Variants in NCKAP5 observed in about 807,000 individuals in gnomAD.
The protein encoded by NCKAP5 is nck-associated protein 5.
In NCKAP5, 92 loss-of-function variants were observed where a neutral mutation model predicts 167.0. The ratio of observed to expected loss-of-function variants is 0.55; its 90% CI spans 0.47 to 0.66. NCKAP5 has a LOEUF of 0.66. Among genes scored for constraint, NCKAP5 ranks in the 30% least tolerant of loss-of-function variants. The pLI is 0.00. For synonymous variants in NCKAP5, 891 were observed against 877.4 expected, an observed-to-expected ratio of 1.02 and a Z score of -0.27; for missense variants, 2,378 against 2,315.0, an observed-to-expected ratio of 1.03 and a Z score of -0.56.
chr2:133,231,994 C>G (rs977679794), intron 4 of NCKAP5, among the ~76,000 whole-genome samples: 1 of 152,202 alleles, frequency 6.6e-6, no homozygotes, highest in Non-Finnish European at 1.5e-5. Context: ...AAAGGACACA[C>G]TTTTTAAGTG....
intron 9 of NCKAP5, among the ~76,000 whole-genome samples, chr2:132,869,415 G>C (rs12466020): frequency 0.52 from 78,355 of 151,982 alleles, 20,590 homozygotes; most frequent in East Asian, 0.71. Flanking sequence ...TTGCAATAGA[G>C]ATAGGTTGAA....
chr2:133,531,628 A>G lies in NCKAP5; in HGVS notation c.-61-14041T>C, dbSNP rs190792573. Reference sequence around the variant, plus strand: ...GCATTGACCAGGGAAGCAAGTTTTTAGCAGAAACTTTTGCTCCTGACTTCA... The same window carrying G: ...GCATTGACCAGGGAAGCAAGTTTTTGGCAGAAACTTTTGCTCCTGACTTCA... On this transcript the variant is annotated intron_variant, in intron 2 of 19. Transcript: ENST00000409261. Among the ~76,000 whole-genome samples the G allele has an allele frequency of 6.6e-5, 10 of 152,292 alleles. No homozygotes were observed. In the East Asian group the frequency reaches 1.3e-3, roughly 21 times the overall value.
At chr2:133,441,052 G>T (rs1392809496) in intron 3 of NCKAP5, among the ~76,000 whole-genome samples, 1 of 150,776 alleles carries the variant, frequency 6.6e-6, no homozygotes, top group African/African-American at 2.4e-5. Flanking sequence ...GAAAACACAG[G>T]ATTATTCTGA....
chr2:132,737,244 G>C (rs1005339061), intron 16 of NCKAP5, among the ~76,000 whole-genome samples: 5 of 152,188 alleles, frequency 3.3e-5, no homozygotes, highest in African/African-American at 1.2e-4. Context: ...CAGAATGGTA[G>C]AGAATCTCAT....
intron 4 of NCKAP5, among the ~76,000 whole-genome samples, chr2:133,289,700 TAAAAAC>T (rs1388293707): frequency 6.8e-6 from 1 of 146,222 alleles, no homozygotes; most frequent in Non-Finnish European, 1.5e-5. Context: ...CCAAAAAAAA[TAAAAAC>T]AAACAAACAA....
Position 133,213,715 on chromosome 2 carries a change from C to T in NCKAP5, c.207+1G>A. 6.2e-7 allele frequency: 1 copy of T among 1,613,622 alleles called. No homozygotes were observed. The highest frequency in any genetic ancestry group is 8.5e-7 in the Non-Finnish European group (1 of 1,179,758). ...ATGAGGGGACGGCAGTCAGGACTTA[C>T]CATGGCCCCCTCACTTGTTCTTTGG... On this transcript the variant is annotated splice_donor_variant, in intron 5 of 19. Coordinates refer to ENST00000409261, the MANE Select transcript of NCKAP5 (RefSeq NM_207363.3). LOFTEE classifies it high-confidence loss of function.
chr2:133,548,931 G>T (rs943025034), intron 2 of NCKAP5, among the ~76,000 whole-genome samples: 35 of 151,924 alleles, frequency 2.3e-4, no homozygotes, highest in African/African-American at 8.0e-4. Context: ...GACACAGACG[G>T]GCAAATTGGA....
intron 3 of NCKAP5, among the ~76,000 whole-genome samples, chr2:133,426,257 C>A (rs949577204): frequency 6.6e-6 from 1 of 151,002 alleles, no homozygotes. Flanking sequence ...GCAACGGAGC[C>A]AAACTTCATC....
chr2:133,420,829 C>T (rs369228941), intron 3 of NCKAP5, among the ~76,000 whole-genome samples: 2 of 152,228 alleles, frequency 1.3e-5, no homozygotes, highest in Admixed American at 1.3e-4. Context: ...TCGTCACTTG[C>T]GAAGCTGAGT....
intron 8 of NCKAP5, among the ~76,000 whole-genome samples, chr2:132,927,117 A>G (rs1446109184): frequency 1.3e-5 from 2 of 152,114 alleles, no homozygotes; most frequent in East Asian, 1.9e-4. Context: ...AGCACCATTT[A>G]TTGAAAATGG....
the NCKAP5 span, among the ~76,000 whole-genome samples, chr2:133,630,344 T>C: frequency 6.6e-6 from 1 of 152,130 alleles, no homozygotes; most frequent in Non-Finnish European, 1.5e-5. Flanking sequence ...GTAAAAACTA[T>C]GGAATTTCTT....
At chr2:132,861,963 T>C (rs1689948508) in intron 10 of NCKAP5, among the ~76,000 whole-genome samples, 1 of 152,234 alleles carries the variant, frequency 6.6e-6, no homozygotes, top group Admixed American at 6.5e-5. Context: ...TGCTCACAAT[T>C]ATTTTGCTAA....
chr2:132,843,591 CT>C (rs371545333), intron 11 of NCKAP5, among the ~76,000 whole-genome samples: 92 of 149,648 alleles, frequency 6.1e-4, no homozygotes, highest in African/African-American at 1.6e-3. Context: ...GTAAGTTTTT[CT>C]TTTTTTTTAA....
At chr2:133,290,313 C>G (rs559538132) in intron 4 of NCKAP5, among the ~76,000 whole-genome samples, 1 of 152,158 alleles carries the variant, frequency 6.6e-6, no homozygotes, top group Admixed American at 6.5e-5. Context: ...TCTAAAATTG[C>G]CTCTTCATTG....
At chr2:132,757,951 T>C (rs1177093041) in intron 16 of NCKAP5, among the ~76,000 whole-genome samples, 2 of 152,200 alleles carry the variant, frequency 1.3e-5, no homozygotes, top group Non-Finnish European at 2.9e-5. Flanking sequence ...CATTTGCACA[T>C]GTGACTCATG....
At chr2:133,544,107 G>C (rs1350134994) in intron 2 of NCKAP5, among the ~76,000 whole-genome samples, 1 of 152,148 alleles carries the variant, frequency 6.6e-6, no homozygotes, top group Non-Finnish European at 1.5e-5. Flanking sequence ...TTTGTATCTT[G>C]AATTAAAATT....
chr2:133,154,606 T>C (rs2083505615), intron 5 of NCKAP5, among the ~76,000 whole-genome samples: 4 of 152,182 alleles, frequency 2.6e-5, no homozygotes, highest in Admixed American at 2.0e-4. Flanking sequence ...CACAGAGGAA[T>C]CACTTGCTCA....
At chr2:133,140,858 G>A (rs1206537958) in intron 5 of NCKAP5, among the ~76,000 whole-genome samples, 1 of 150,856 alleles carries the variant, frequency 6.6e-6, no homozygotes, top group Non-Finnish European at 1.5e-5. Flanking sequence ...TCAGTTTAAT[G>A]TATATTATAA....
At chr2:133,611,679 G>A in the NCKAP5 span, among the ~76,000 whole-genome samples, 2 of 152,284 alleles carry the variant, frequency 1.3e-5, no homozygotes, top group South Asian at 4.1e-4. Flanking sequence ...TGGGTGGGGT[G>A]TGGCAACTAA....
Sources: gnomAD v4.1 joint callset for allele counts (sites outside exome capture counted in the v4.1 genomes callset) on GRCh38, gnomAD v4.1.1 for gene constraint, MANE v1.5 for transcripts, NCBI Gene and HGNC (gene_info 2026-07-23, HGNC 2026-07-21) for gene names.